Variants in LTBP2 observed in about 807,000 individuals in gnomAD.
LTBP2 encodes the protein latent transforming growth factor beta binding protein 2, also known as latent-transforming growth factor beta-binding protein 2.
Under a neutral mutation model 210.6 loss-of-function variants are expected in LTBP2, and 103 were observed. The observed-to-expected ratio is 0.49, with a 90% CI of 0.42 to 0.58. LTBP2 has a LOEUF of 0.58. Among genes scored for constraint, LTBP2 ranks in the 20% least tolerant of loss-of-function variants. LTBP2 has a pLI of 0.00. For missense variants in LTBP2, 2,313 were observed against 2,494.5 expected (o/e 0.93, Z 1.55); for synonymous variants, 1,007 against 1,015.0 (o/e 0.99, Z 0.15).
rs541371092 is a variant in LTBP2, at chr14:74,611,685, C to T, written c.260G>A (p.Arg87Gln). 4.4e-6 allele frequency: 7 copies of T among 1,575,996 alleles called. No homozygotes were observed. In the South Asian group the frequency reaches 8.0e-5, roughly 18 times the overall value. Residue 87 changes from arginine (R) to glutamine (Q), a missense_variant, in exon 1 of 36, where the codon CGG becomes CAG. By Grantham distance (43) the Arg-to-Gln change is conservative (BLOSUM62 1). This residue lies in a region of LTBP2 where 1,867 missense variants were observed against 1,976.9 expected (regional missense o/e 0.94). Coordinates refer to ENST00000261978, the MANE Select transcript of LTBP2 (RefSeq NM_000428.3). ...APVAGLQPVERAQPGWGSPRR... is the reference protein window; with the variant it reads ...APVAGLQPVEQAQPGWGSPRR... ...GGGGCTCCCCCAGCCCGGCTGGGCC[C>T]GCTCCACGGGCTGCAAGCCCGCGAC...
chr14:74,602,043 C>T (rs1177034533), intron 2 of LTBP2, among the ~76,000 whole-genome samples: 4 of 152,180 alleles, frequency 2.6e-5, no homozygotes, highest in Non-Finnish European at 5.9e-5. Context: ...AAAGATCCAA[C>T]GGGCTCCCTC....
At chr14:74,540,531 C>T (rs1044313229) in intron 8 of LTBP2, among the ~76,000 whole-genome samples, 7 of 150,362 alleles carry the variant, frequency 4.7e-5, no homozygotes, top group African/African-American at 9.8e-5. Context: ...TTTGGGAGGC[C>T]GAGGCGGGCG....
rs2086916953 is a variant in LTBP2, at chr14:74,502,053, C to T, written c.5171-463G>A. The T allele has an allele frequency of 1.8e-5, 5 of 280,546 alleles. No homozygotes were observed. The South Asian group carries it at 1.9e-4, about 11-fold the overall frequency. The allele number at this position is 280,546 out of a possible 1,614,324, so 17.4% of individuals were successfully genotyped here. A position where few individuals can be genotyped will look rare whatever the true frequency, so the allele number is the denominator to read the frequency against. ...GACCAGATCTACCTAACCCTCTTCA[C>T]TCCCTAAGCACCCCTCCACCCCATG... On this transcript the variant is annotated intron_variant, in intron 34 of 35. Transcript: ENST00000261978.
intron 19 of LTBP2, among the ~76,000 whole-genome samples, chr14:74,510,606 A>C (rs1418684746): frequency 6.6e-6 from 1 of 152,192 alleles, no homozygotes. Context: ...ATCCCAACCC[A>C]ACAAGCAGCT....
intron 8 of LTBP2, among the ~76,000 whole-genome samples, chr14:74,542,390 G>A (rs1013769982): frequency 3.3e-5 from 5 of 152,232 alleles, no homozygotes; most frequent in Non-Finnish European, 4.4e-5. Context: ...CAGTTTTGGC[G>A]CTGACTCCAT....
At chr14:74,550,043 C>T in intron 7 of LTBP2, 78 bp from the exon 8 acceptor site, 1 of 970,150 alleles carries the variant, frequency 1.0e-6, no homozygotes, top group Non-Finnish European at 1.7e-6. Context: ...CCGGGAAAGC[C>T]TAGGACACAG....
Position 74,509,286 on chromosome 14 carries a change from C to A in LTBP2, c.3355G>T (p.Asp1119Tyr). 6.2e-7 allele frequency: 1 copy of A among 1,613,692 alleles called. No homozygotes were observed. Among genetic ancestry groups the A allele is most frequent in the Middle Eastern group, 1.6e-4 (1 of 6,062 alleles). ...CTGGGCCGGTAGCCCCCATCGCAGT[C>A]CTTGCAGGAGAAGGAGCCAGCCGTG... ...TNTAGSFSCKDCDGGYRPSPL... is the reference protein window; with the variant it reads ...TNTAGSFSCKYCDGGYRPSPL... Residue 1119 changes from aspartate to tyrosine, a missense_variant, in exon 22 of 36, where the codon GAC becomes TAC. Asp to Tyr is a radical substitution (Grantham distance 160, BLOSUM62 -3). This residue lies in a region of LTBP2 where 1,867 missense variants were observed against 1,976.9 expected (regional missense o/e 0.94). Coordinates refer to ENST00000261978, the MANE Select transcript of LTBP2 (RefSeq NM_000428.3).
intron 10 of LTBP2, among the ~76,000 whole-genome samples, chr14:74,530,210 G>C (rs1200257662): frequency 1.3e-5 from 2 of 152,226 alleles, no homozygotes; most frequent in Non-Finnish European, 2.9e-5. Context: ...ACGCCTTTCT[G>C]GCTGAAGGCT....
intron 21 of LTBP2, 31 bp downstream of exon 21, chr14:74,509,703 T>A: frequency 5.6e-6 from 9 of 1,613,790 alleles, no homozygotes; most frequent in Non-Finnish European, 7.6e-6. Flanking sequence ...CTATATTCTG[T>A]CCCCTTCCAC....
At position 74,527,388 on chromosome 14, in the gene LTBP2, G is replaced by C. The variant is rs774855726; in HGVS notation, c.2369-22C>G. 1.1e-5 allele frequency: 17 copies of C among 1,607,156 alleles called. No individual in the cohort carries two copies. In the Admixed American group the frequency reaches 2.9e-4, roughly 27 times the overall value. On this transcript the variant is annotated intron_variant, in intron 12 of 35. Transcript: ENST00000261978. ...TCACCTGGAAGGGAAAGGTAACAGC[G>C]TGAGCTCAGGGAGGAGGGTCTGGCT...
chr14:74,578,753 G>C (rs1479059271), intron 3 of LTBP2, among the ~76,000 whole-genome samples: 2 of 152,202 alleles, frequency 1.3e-5, no homozygotes, highest in Non-Finnish European at 2.9e-5. Context: ...CAACCCCTTT[G>C]CTGCTGGCAC....
At chr14:74,552,622 C>T (rs2087675890) in intron 5 of LTBP2, among the ~76,000 whole-genome samples, 1 of 152,240 alleles carries the variant, frequency 6.6e-6, no homozygotes, top group African/African-American at 2.4e-5. Context: ...CGTTTCCCTG[C>T]ACCCCACAAT....
intron 3 of LTBP2, among the ~76,000 whole-genome samples, chr14:74,581,016 G>A (rs1566648180): frequency 6.6e-6 from 1 of 152,230 alleles, no homozygotes; most frequent in Non-Finnish European, 1.5e-5. Flanking sequence ...CCAAGGCCCT[G>A]AGGTGGGAGC....
chr14:74,544,957 C>T (rs2087559191), intron 8 of LTBP2, among the ~76,000 whole-genome samples: 1 of 152,218 alleles, frequency 6.6e-6, no homozygotes, highest in Non-Finnish European at 1.5e-5. Context: ...CTACACCCTT[C>T]TCCCTAGGGC....
intron 8 of LTBP2, among the ~76,000 whole-genome samples, chr14:74,547,975 G>A (rs1204394179): frequency 6.6e-6 from 1 of 151,968 alleles, no homozygotes; most frequent in Non-Finnish European, 1.5e-5. Flanking sequence ...TCATTCTCTT[G>A]GTCTTACCTG....
Position 74,612,125 on chromosome 14 carries a change from G to A in LTBP2, c.-181C>T, listed in dbSNP as rs1216290842. On this transcript the variant is annotated 5_prime_UTR_variant, in exon 1 of 36. Coordinates refer to ENST00000261978, the MANE Select transcript of LTBP2 (RefSeq NM_000428.3). ...CGGCGGAACGAGGGCTGCGCGCCCC[G>A]AGCCTCGAGTCCGCGCTCCTACTCC... 3.0e-5 allele frequency: 18 copies of A among 604,762 alleles called. No homozygotes were observed. Among genetic ancestry groups the A allele is most frequent in the Non-Finnish European group, 4.3e-5 (16 of 375,804 alleles). 37.5% of individuals were successfully genotyped at this position (604,762 alleles called of 1,614,324 possible).
chr14:74,516,997 G>A (rs2087145373), intron 17 of LTBP2, 56 bp from the exon 18 acceptor site: 9 of 1,543,564 alleles, frequency 5.8e-6, no homozygotes, highest in African/African-American at 1.4e-5. Context: ...ATGGTGGAGG[G>A]GGCGGGGTCC....
chr14:74,505,153 G>T lies in LTBP2; in HGVS notation c.4199C>A (p.Pro1400Gln). ...GGGGGCCGGGGCATGGTCCCCCGTT[G>T]GGGCCTCAGACATACTCTGACCTGT... ...GAGGQSMSEA[P>Q]TGDHAPAPTR... The change falls in exon 29 of 36, where the codon CCA becomes CAA. Residue 1400 changes from proline to glutamine, a missense_variant. By Grantham distance (76) the Pro-to-Gln change is moderately conservative. Transcript: ENST00000261978. The T allele has an allele frequency of 3.1e-6, 5 of 1,613,390 alleles. No individual in the cohort carries two copies. In the East Asian group the frequency reaches 1.1e-4, roughly 36 times the overall value.
rs144978716 is a variant in LTBP2, at chr14:74,547,034, G to A, written c.1789+2829C>T. Among the ~76,000 whole-genome samples, 130 of 152,370 alleles carry A rather than the reference G, an allele frequency of 8.5e-4. 1 individual carries two copies. Among genetic ancestry groups the A allele is most frequent in the African/African-American group, 3.0e-3 (124 of 41,590 alleles). On this transcript the variant is annotated intron_variant, in intron 8 of 35. Transcript: ENST00000261978. ...TAGAATCCTCCATTGGCAGCAGCCAGCCCTGGCATGGACCTCACAGCCTGC... is the reference window on the plus strand; with the variant it reads ...TAGAATCCTCCATTGGCAGCAGCCAACCCTGGCATGGACCTCACAGCCTGC...
Sources: allele counts gnomAD v4.1 joint callset (sites outside exome capture counted in the v4.1 genomes callset), GRCh38; gene constraint gnomAD v4.1.1; regional missense constraint gnomAD v4.1.1; transcripts MANE v1.5; gene names NCBI Gene and HGNC (gene_info 2026-07-23, HGNC 2026-07-21).